Variants in IGSF11 observed in about 807,000 individuals in gnomAD.
IGSF11 encodes CXADR like 1.
IGSF11 carries 22 observed loss-of-function variants against 41.0 expected under a neutral mutation model. The ratio of observed to expected loss-of-function variants is 0.54; its 90% confidence interval spans 0.38 to 0.77. The LOEUF is 0.77. Ranked by LOEUF, IGSF11 falls within the 30% of genes least tolerant of loss-of-function variation. The probability of loss-of-function intolerance (pLI) is 0.00; values close to 1 mark genes in which losing one functional copy is unlikely to be tolerated. For synonymous variants in IGSF11, 219 were observed against 201.3 expected, an observed-to-expected ratio of 1.09 and a Z score of -0.74; for missense variants, 444 against 530.8, an observed-to-expected ratio of 0.84 and a Z score of 1.61.
chr3:118,932,228 T>C (rs974177049), intron 1 of IGSF11, among the ~76,000 whole-genome samples: 2 of 152,268 alleles, frequency 1.3e-5, no homozygotes, highest in Middle Eastern at 3.4e-3. Flanking sequence ...TAGATCAAAA[T>C]AGGCCATGGA....
chr3:119,065,062 T>C (rs1942179941), intron 1 of IGSF11, among the ~76,000 whole-genome samples: 1 of 152,228 alleles, frequency 6.6e-6, no homozygotes, highest in African/African-American at 2.4e-5. Context: ...TGTTGGTAGC[T>C]GGCCTCTTTG....
rs865800813 is a variant in IGSF11 at position 119,072,171 on chromosome 3, T to G, written c.49+32973A>C. Among the ~76,000 whole-genome samples, 11 of 152,340 alleles carry G rather than the reference T, an allele frequency of 7.2e-5. No homozygotes were observed. In the Middle Eastern group the frequency reaches 0.02, roughly 283 times the overall value. Reference sequence around the variant, plus strand: ...TTTCCGTACAGTAAGTTCACTATATTTAATTTAGCTTGAGTGGGTTTCTCT... The same window carrying G: ...TTTCCGTACAGTAAGTTCACTATATGTAATTTAGCTTGAGTGGGTTTCTCT... On this transcript the variant is annotated intron_variant, in intron 1 of 6. Transcript: ENST00000354673.
chr3:118,932,754 G>A (rs1300495555), intron 1 of IGSF11, among the ~76,000 whole-genome samples: 5 of 152,166 alleles, frequency 3.3e-5, no homozygotes, highest in African/African-American at 4.8e-5. Context: ...TTAAGAATAA[G>A]TGTGGAAGCC....
chr3:118,927,888 C>G (rs995257186), intron 3 of IGSF11, among the ~76,000 whole-genome samples: 6 of 151,446 alleles, frequency 4.0e-5, no homozygotes, highest in African/African-American at 1.5e-4. Flanking sequence ...GGAAAGAGTG[C>G]TGGTTTGAGT....
At chr3:118,999,904 G>C (rs1441761519) in intron 1 of IGSF11, among the ~76,000 whole-genome samples, 1 of 152,024 alleles carries the variant, frequency 6.6e-6, no homozygotes, top group Non-Finnish European at 1.5e-5. Flanking sequence ...CCGACACCCA[G>C]AGTTGTTGGA....
At chr3:119,026,931 G>A (rs886921288) in intron 1 of IGSF11, among the ~76,000 whole-genome samples, 2 of 152,138 alleles carry the variant, frequency 1.3e-5, no homozygotes, top group African/African-American at 4.8e-5. Flanking sequence ...ATAACTGACA[G>A]TCATTTGCGG....
intron 1 of IGSF11, among the ~76,000 whole-genome samples, chr3:119,119,332 G>A (rs554868368): frequency 6.6e-6 from 1 of 152,284 alleles, no homozygotes; most frequent in East Asian, 1.9e-4. Context: ...CATCTTACAT[G>A]GATGGCAGCA....
intron 1 of IGSF11, among the ~76,000 whole-genome samples, chr3:119,137,091 A>G (rs760029948): frequency 6.6e-6 from 1 of 152,192 alleles, no homozygotes; most frequent in Non-Finnish European, 1.5e-5. Flanking sequence ...AAAAAGTGGA[A>G]AGATATTCCA....
chr3:119,141,377 C>G (rs2077645936), intron 1 of IGSF11, among the ~76,000 whole-genome samples: 2 of 150,648 alleles, frequency 1.3e-5, no homozygotes, highest in Non-Finnish European at 3.0e-5. Flanking sequence ...AAAGAGCAAA[C>G]TATACCCACA....
intron 1 of IGSF11, among the ~76,000 whole-genome samples, chr3:119,051,325 C>G (rs1265500025): frequency 6.6e-6 from 1 of 151,674 alleles, no homozygotes; most frequent in African/African-American, 2.4e-5. Flanking sequence ...AGTAGCTGTT[C>G]TTATTTATAT....
chr3:119,137,211 T>TA (rs568391544), intron 1 of IGSF11, among the ~76,000 whole-genome samples: 346 of 148,638 alleles, frequency 2.3e-3, no homozygotes, highest in East Asian at 0.01. Context: ...TTCACAGAAA[T>TA]AAAAAAAAAA....
At chr3:118,935,356 A>G (rs1286126116) in intron 1 of IGSF11, among the ~76,000 whole-genome samples, 4 of 140,168 alleles carry the variant, frequency 2.9e-5, no homozygotes, top group African/African-American at 1.1e-4. Context: ...ATATACATGT[A>G]TATACACCCT....
At chr3:119,063,520 G>GA (rs145914292) in intron 1 of IGSF11, among the ~76,000 whole-genome samples, 57 of 151,068 alleles carry the variant, frequency 3.8e-4, no homozygotes, top group Admixed American at 9.9e-4. Context: ...CAGGTACCTA[G>GA]AAAAAAAAAT....
At chr3:119,081,760 A>G (rs891154565) in intron 1 of IGSF11, among the ~76,000 whole-genome samples, 1 of 152,192 alleles carries the variant, frequency 6.6e-6, no homozygotes, top group Non-Finnish European at 1.5e-5. Context: ...TGTGAATGGT[A>G]GGTAGGAAGA....
intron 1 of IGSF11, among the ~76,000 whole-genome samples, chr3:119,131,903 T>A (rs1274765727): frequency 6.6e-6 from 1 of 152,126 alleles, no homozygotes; most frequent in Non-Finnish European, 1.5e-5. Context: ...TATTCAACAC[T>A]CTTGAAGAAA....
chr3:119,000,063 CTTTTTTTTTTTT>C (rs1297321950), intron 1 of IGSF11, among the ~76,000 whole-genome samples: 1 of 98,726 alleles, frequency 1.0e-5, no homozygotes, highest in East Asian at 3.1e-4. Flanking sequence ...ATTCATTATT[CTTTTTTTTTTTT>C]TTTTTTTTTT....
chr3:118,938,333 G>C (rs900220127), intron 1 of IGSF11, among the ~76,000 whole-genome samples: 1 of 152,184 alleles, frequency 6.6e-6, no homozygotes, highest in African/African-American at 2.4e-5. Flanking sequence ...CATGGCCATT[G>C]ATTAGTGCTG....
chr3:118,959,188 T>A (rs1334691234), intron 1 of IGSF11, among the ~76,000 whole-genome samples: 2 of 152,238 alleles, frequency 1.3e-5, no homozygotes, highest in African/African-American at 2.4e-5. Flanking sequence ...AAGAGTTTTC[T>A]TTAGACAGAG....
intron 1 of IGSF11, among the ~76,000 whole-genome samples, chr3:119,011,348 A>G (rs1289351736): frequency 6.6e-6 from 1 of 152,228 alleles, no homozygotes; most frequent in African/African-American, 2.4e-5. Flanking sequence ...CATGGAAAAG[A>G]GAGACCAAGA....
Sources: gnomAD v4.1 joint callset for allele counts (sites outside exome capture counted in the v4.1 genomes callset) on GRCh38, gnomAD v4.1.1 for gene constraint, MANE v1.5 for transcripts, NCBI Gene and HGNC (gene_info 2026-07-23, HGNC 2026-07-21) for gene names.